RALGAPA2: variants seen among roughly 807,000 people sequenced by gnomAD.
RALGAPA2 encodes the protein ral GTPase-activating protein subunit alpha-2.
Under a neutral mutation model 230.4 loss-of-function variants are expected in RALGAPA2, and 139 were observed. The observed-to-expected ratio is 0.60, with a 90% CI of 0.53 to 0.69. The LOEUF (loss-of-function observed/expected upper bound fraction) is 0.69. RALGAPA2 is among the 30% of genes least tolerant of loss of function. RALGAPA2 has a pLI of 0.00. For missense variants in RALGAPA2, 2,163 were observed against 2,276.0 expected (o/e 0.95, Z 1.01); for synonymous variants, 847 against 837.8 (o/e 1.01, Z -0.19).
At chr20:20,656,309 C>T (rs1026047661) in intron 3 of RALGAPA2, among the ~76,000 whole-genome samples, 2 of 152,128 alleles carry the variant, frequency 1.3e-5, no homozygotes, top group Non-Finnish European at 2.9e-5. Context: ...GAAACATTTA[C>T]GAGTATTTAT....
At chr20:20,633,636 C>T (rs1000265038) in intron 9 of RALGAPA2, among the ~76,000 whole-genome samples, 11 of 151,722 alleles carry the variant, frequency 7.3e-5, no homozygotes, top group Non-Finnish European at 1.2e-4. Flanking sequence ...TACAGGTACC[C>T]GCCACCACGC....
rs2060072672 is a variant in RALGAPA2, at chr20:20,412,062, A to G, written c.5582T>C (p.Phe1861Ser). 6.2e-7 allele frequency: 1 copy of G among 1,613,956 alleles called. No homozygotes were observed. The highest frequency in any genetic ancestry group is 8.5e-7 in the Non-Finnish European group (1 of 1,179,866). The change falls in exon 38 of 40, where the codon TTT becomes TCT. Residue 1861 changes from phenylalanine to serine, a missense_variant. Physicochemically the swap from Phe to Ser is radical, Grantham distance 155. Coordinates refer to ENST00000202677, the MANE Select transcript of RALGAPA2 (RefSeq NM_020343.4). ...GAGGGAGTAGCTGGGAGAGGGAGAA[A>G]AGACTTGGGCTGCGAAATCCTCGAA... ...MTFEDFAAQV[F>S]SPSPSYSLSG... is the part of the protein sequence containing the mutation.
chr20:20,609,670 G>C (rs1355238925), intron 14 of RALGAPA2, among the ~76,000 whole-genome samples: 3 of 152,236 alleles, frequency 2.0e-5, no homozygotes, highest in Non-Finnish European at 4.4e-5. Context: ...GCATCTGCCA[G>C]TGTGAGACTG....
At chr20:20,502,668 TG>T (rs1370951366) in intron 35 of RALGAPA2, among the ~76,000 whole-genome samples, 1 of 152,102 alleles carries the variant, frequency 6.6e-6, no homozygotes, top group Non-Finnish European at 1.5e-5. Context: ...TGCATTTATG[TG>T]GTAGGGAGAG....
chr20:20,584,258 A>C (rs1477226389), intron 19 of RALGAPA2, among the ~76,000 whole-genome samples: 4 of 152,158 alleles, frequency 2.6e-5, no homozygotes, highest in Non-Finnish European at 5.9e-5. Context: ...CATTGACTTC[A>C]ATGTACTTCT....
In RALGAPA2 at chr20:20,680,717, G is replaced by A. The variant is rs531802816; in HGVS notation, c.191C>T (p.Ala64Val). 1.3e-6 allele frequency: 2 copies of A among 1,573,276 alleles called. No homozygotes were observed. The highest frequency in any genetic ancestry group is 1.2e-5 in the South Asian group (1 of 82,422). Residue 64 changes from alanine to valine, a missense_variant, in exon 2 of 40, where the codon GCA becomes GTA. Coordinates refer to ENST00000202677, the MANE Select transcript of RALGAPA2 (RefSeq NM_020343.4). ...TTTTAATTTCAAACTATTTTCCAGT[G>A]CTATAAAATTTTCATAGAAGATGAA... ...IYFIFYENFI[A>V]LENSLKLKGN...
intron 23 of RALGAPA2, among the ~76,000 whole-genome samples, chr20:20,568,676 C>T (rs1387494789): frequency 1.3e-5 from 2 of 152,174 alleles, no homozygotes; most frequent in Non-Finnish European, 2.9e-5. Context: ...TCACTACTGA[C>T]ATAATTTTGA....
At chr20:20,694,510 A>C (rs6137105) in intron 1 of RALGAPA2, among the ~76,000 whole-genome samples, 11,577 of 152,182 alleles carry the variant, frequency 0.076, 599 homozygotes, top group East Asian at 0.16. Flanking sequence ...ACACAAGAAA[A>C]CGAAGGCCCT....
At chr20:20,688,504 A>G (rs1568756216) in intron 1 of RALGAPA2, among the ~76,000 whole-genome samples, 2 of 152,186 alleles carry the variant, frequency 1.3e-5, no homozygotes, top group East Asian at 3.8e-4. Flanking sequence ...AGGATGGAAT[A>G]GGAAGTGGGC....
intron 10 of RALGAPA2, among the ~76,000 whole-genome samples, chr20:20,625,012 C>G (rs2066446581): frequency 6.6e-6 from 1 of 152,164 alleles, no homozygotes; most frequent in African/African-American, 2.4e-5. Flanking sequence ...CTGGTTCCAC[C>G]TTCACCTGTC....
intron 5 of RALGAPA2, among the ~76,000 whole-genome samples, chr20:20,642,931 T>G (rs2067090070): frequency 6.6e-6 from 1 of 152,180 alleles, no homozygotes; most frequent in African/African-American, 2.4e-5. Context: ...GCCATTTATG[T>G]TTTAGGGTAA....
At chr20:20,642,104 GA>G (rs2067048585) in intron 5 of RALGAPA2, among the ~76,000 whole-genome samples, 1 of 34,708 alleles carries the variant, frequency 2.9e-5, no homozygotes, top group Non-Finnish European at 7.0e-5. Flanking sequence ...ATCAGACCGA[GA>G]GGGGAGGGGA....
intron 17 of RALGAPA2, 130 bp from the exon 18 acceptor site, chr20:20,589,495 G>T: frequency 9.9e-7 from 1 of 1,015,008 alleles, no homozygotes. Context: ...CAGGAGTTAT[G>T]GGCCTGGCAA....
At chr20:20,532,503 C>G (rs937930186) in intron 26 of RALGAPA2, among the ~76,000 whole-genome samples, 2 of 151,996 alleles carry the variant, frequency 1.3e-5, no homozygotes, top group Non-Finnish European at 1.5e-5. Flanking sequence ...AACTGAAAAC[C>G]TGGGGGAATG....
intron 37 of RALGAPA2, among the ~76,000 whole-genome samples, chr20:20,413,733 T>A (rs1212928656): frequency 6.6e-6 from 1 of 152,156 alleles, no homozygotes; most frequent in Non-Finnish European, 1.5e-5. Flanking sequence ...GCAAGGAAAA[T>A]GTGTTTGAAG....
chr20:20,623,835 T>C (rs1375246630), intron 10 of RALGAPA2, among the ~76,000 whole-genome samples: 15 of 152,248 alleles, frequency 9.9e-5, no homozygotes, highest in Non-Finnish European at 1.6e-4. Context: ...TCATCTATTT[T>C]GGTGTCTTTT....
chr20:20,633,260 G>A (rs561355835), intron 9 of RALGAPA2, among the ~76,000 whole-genome samples: 1 of 151,588 alleles, frequency 6.6e-6, no homozygotes, highest in Non-Finnish European at 1.5e-5. Flanking sequence ...TCAGCTTCCC[G>A]AGTAGCTGGG....
At chr20:20,456,424 G>A (rs1188287108) in intron 37 of RALGAPA2, among the ~76,000 whole-genome samples, 4 of 152,228 alleles carry the variant, frequency 2.6e-5, no homozygotes, top group Non-Finnish European at 5.9e-5. Flanking sequence ...AGAAATGTCC[G>A]TTGGCCTGTG....
rs563012103 is a variant in RALGAPA2 at position 20,594,789 on chromosome 20, C to T, written c.2204-3475G>A. Among the ~76,000 whole-genome samples the T allele has an allele frequency of 5.5e-5, 8 of 145,546 alleles. No individual in the cohort carries two copies. In the East Asian group the frequency reaches 1.4e-3, roughly 26 times the overall value. ...TGTCGGCCAGGCTGGAGCACAATGG[C>T]GTGATCTTGACTCACTGCAAGCTCC... On this transcript the variant is annotated intron_variant, in intron 16 of 39. Coordinates refer to ENST00000202677, the MANE Select transcript of RALGAPA2 (RefSeq NM_020343.4).
Sources: allele counts gnomAD v4.1 joint callset (sites outside exome capture counted in the v4.1 genomes callset), GRCh38; gene constraint gnomAD v4.1.1; transcripts MANE v1.5; gene names NCBI Gene and HGNC (gene_info 2026-07-23, HGNC 2026-07-21).